MEIOC: variants seen among roughly 807,000 people sequenced by gnomAD.
MEIOC encodes meiosis-specific coiled-coil domain-containing protein MEIOC.
Under a neutral mutation model 85.3 loss-of-function variants are expected in MEIOC, and 9 were observed. That is an observed-to-expected ratio of 0.11 (90% CI 0.06 to 0.18). The LOEUF (loss-of-function observed/expected upper bound fraction) is 0.18. Ranked by LOEUF, MEIOC falls within the 10% of genes least tolerant of loss-of-function variation. MEIOC has a pLI of 1.00. For synonymous variants in MEIOC, 365 were observed against 393.7 expected (o/e 0.93, Z 0.86); for missense variants, 898 against 1,129.4 (o/e 0.80, Z 2.94).
chr17:44,673,123 T>A, intron 6 of MEIOC: 2 of 389,092 alleles, frequency 5.1e-6, no homozygotes, highest in Non-Finnish European at 9.1e-6. Context: ...ATATTTAACA[T>A]TTTCATTGAT....
Position 44,675,662 on chromosome 17 carries a change from G to A in MEIOC, c.*1466G>A, listed in dbSNP as rs905496437. 4.1e-6 allele frequency: 4 copies of A among 985,262 alleles called. No individual in the cohort carries two copies. Among genetic ancestry groups the A allele is most frequent in the Middle Eastern group, 1.0e-3 (2 of 1,914 alleles). The allele number at this position is 985,262 out of a possible 1,614,324, so 61.0% of individuals were successfully genotyped here. A position where few individuals can be genotyped will look rare whatever the true frequency, so the allele number is the denominator to read the frequency against. ...ACCCAAATGAATTACATTGAGGGTA[G>A]TCAAATAAAATAGATCATCTCACCA... On this transcript the variant is annotated 3_prime_UTR_variant, in exon 8 of 8. Coordinates refer to ENST00000409122, the MANE Select transcript of MEIOC (RefSeq NM_001145080.3).
rs1971758796 is a variant in MEIOC, at chr17:44,656,609, G to A, written c.-5G>A. 14 of 1,473,050 alleles carry A rather than the reference G, an allele frequency of 9.5e-6. No homozygotes were observed. The highest frequency in any genetic ancestry group is 1.3e-5 in the Non-Finnish European group (14 of 1,109,814). The allele number at this position is 1,473,050 out of a possible 1,614,324, so 91.2% of individuals were successfully genotyped here. ...CCTAGTCCAGGAGAGGCTGGGGGGC[G>A]CCCCATGGAGGTGAGACGCGGAGAC... On this transcript the variant is annotated 5_prime_UTR_variant, in exon 1 of 8. Coordinates refer to ENST00000409122, the MANE Select transcript of MEIOC (RefSeq NM_001145080.3).
chr17:44,657,848 C>T (rs1420625874), intron 2 of MEIOC, among the ~76,000 whole-genome samples: 1 of 142,894 alleles, frequency 7.0e-6, no homozygotes, highest in South Asian at 2.2e-4. Context: ...CCACCGCGTC[C>T]AGCCGTTTTG....
At chr17:44,663,305 T>TGACGAC (rs758941323) in intron 3 of MEIOC, among the ~76,000 whole-genome samples, 3 of 151,758 alleles carry the variant, frequency 2.0e-5, no homozygotes, top group Non-Finnish European at 4.4e-5. Flanking sequence ...ATGATGATGA[T>TGACGAC]GACGATAACT....
In MEIOC at chr17:44,673,960, A is replaced by G; in HGVS notation, c.2639-16A>G. 2 of 1,549,604 alleles carry G rather than the reference A, an allele frequency of 1.3e-6. No individual in the cohort carries two copies. Among genetic ancestry groups the G allele is most frequent in the Non-Finnish European group, 1.7e-6 (2 of 1,145,260 alleles). On this transcript the variant is annotated splice_polypyrimidine_tract_variant and intron_variant, in intron 7 of 7. Transcript: ENST00000409122. ...TGGCATTTAATATGAAATGACCCTG[A>G]ATGTTTATTTTACAGATGTTTTTGC...
At chr17:44,658,935 C>T (rs1052425342) in intron 2 of MEIOC, among the ~76,000 whole-genome samples, 5 of 149,998 alleles carry the variant, frequency 3.3e-5, no homozygotes, top group African/African-American at 1.2e-4. Context: ...TGTTTTTTTT[C>T]GTTCAGGCAT....
rs944594769 is a variant in MEIOC, at chr17:44,674,602, G to A, written c.*406G>A. Reference sequence around the variant, plus strand: ...ATCTAAGTGACTGTAACCCAATTACGGCTACAGCCTAGTAACCAAGACAAG... The same window carrying A: ...ATCTAAGTGACTGTAACCCAATTACAGCTACAGCCTAGTAACCAAGACAAG... On this transcript the variant is annotated 3_prime_UTR_variant, in exon 8 of 8. Coordinates refer to ENST00000409122, the MANE Select transcript of MEIOC (RefSeq NM_001145080.3). 13 of 992,592 alleles carry A rather than the reference G, an allele frequency of 1.3e-5. No individual in the cohort carries two copies. In the African/African-American group the frequency reaches 1.6e-4, roughly 12 times the overall value. The allele number at this position is 992,592 out of a possible 1,614,324, so 61.5% of individuals were successfully genotyped here.
rs761022531 is a variant in MEIOC at position 44,667,730 on chromosome 17, A to T, written c.1819A>T (p.Asn607Tyr). ...GATAATTGAAAATGTAAACAAACAT[A>T]ATTTTCAAGCCAAGCCCCAGAGTGG... is the stretch of plus-strand genomic sequence containing the variant. ...YGIIENVNKH[N>Y]FQAKPQSGHY... The change falls in exon 5 of 8, where the codon AAT becomes TAT. Residue 607 changes from asparagine to tyrosine, a missense_variant. Physicochemically the swap from Asn to Tyr is moderately radical, Grantham distance 143. Around this residue, in one of 2 missense-constraint regions of MEIOC, gnomAD observed 734 missense variants for 860.1 expected, o/e 0.85. Transcript: ENST00000409122. The T allele has an allele frequency of 6.2e-7, 1 of 1,613,784 alleles. No individual in the cohort carries two copies. Among genetic ancestry groups the T allele is most frequent in the Non-Finnish European group, 8.5e-7 (1 of 1,179,790 alleles).
Position 44,672,332 on chromosome 17 carries a change from T to C in MEIOC, c.2458-1034T>C, listed in dbSNP as rs867244795. On this transcript the variant is annotated intron_variant, in intron 6 of 7. Transcript: ENST00000409122. ...TTATCATTTGCTCAAAATTATTGTCTTATTTAAAAATAATTAGTAGTTCCC... is the reference window on the plus strand; with the variant it reads ...TTATCATTTGCTCAAAATTATTGTCCTATTTAAAAATAATTAGTAGTTCCC... Among the ~76,000 whole-genome samples the C allele has an allele frequency of 1.5e-4, 23 of 152,362 alleles. 1 individual carries two copies. Among genetic ancestry groups the C allele is most frequent in the Admixed American group, 2.6e-4 (4 of 15,302 alleles).
rs1413634908 is a variant in MEIOC at position 44,667,962 on chromosome 17, G to C, written c.2051G>C (p.Gly684Ala). The part of the protein sequence containing the change: ...LRHNQCFQQL[G>A]SNGFPLRSTH... ...CATAATCAGTGTTTTCAACAACTTG[G>C]TTCAAATGGGTTTCCCCTAAGATCC... is the stretch of plus-strand genomic sequence containing the variant. The change falls in exon 5 of 8, where the codon GGT becomes GCT. Residue 684 changes from glycine to alanine, a missense_variant. This residue lies in a region of MEIOC where 734 missense variants were observed against 860.1 expected (regional missense o/e 0.85). Coordinates refer to ENST00000409122, the MANE Select transcript of MEIOC (RefSeq NM_001145080.3). The C allele has an allele frequency of 1.2e-6, 2 of 1,613,666 alleles. No individual in the cohort carries two copies. Among genetic ancestry groups the C allele is most frequent in the African/African-American group, 2.7e-5 (2 of 74,920 alleles).
chr17:44,667,080 A>G lies in MEIOC; in HGVS notation c.1169A>G (p.Gln390Arg). 1.9e-6 allele frequency: 3 copies of G among 1,613,798 alleles called. No individual in the cohort carries two copies. The highest frequency in any genetic ancestry group is 2.5e-6 in the Non-Finnish European group (3 of 1,179,752). ...KKMEETIPDQ[Q>R]NFTFPKTTPH... ...ATGGAGGAGACAATCCCTGATCAGC[A>G]GAATTTCACATTTCCAAAAACTACG... is the stretch of plus-strand genomic sequence containing the variant. The change falls in exon 5 of 8, where the codon CAG becomes CGG. Residue 390 changes from glutamine to arginine, a missense_variant. By Grantham distance (43) the Gln-to-Arg change is conservative. This residue lies in a region of MEIOC where 734 missense variants were observed against 860.1 expected (regional missense o/e 0.85). Transcript: ENST00000409122.
intron 6 of MEIOC, chr17:44,670,826 T>G (rs1393185444): frequency 6.6e-6 from 1 of 151,972 alleles, no homozygotes; most frequent in African/African-American, 2.4e-5. Flanking sequence ...CCACCACCAG[T>G]CAACAAAATA....
chr17:44,656,584 C>A lies in MEIOC; in HGVS notation c.-30C>A. The A allele has an allele frequency of 6.9e-7, 1 of 1,439,482 alleles. No homozygotes were observed. Among genetic ancestry groups the A allele is most frequent in the Non-Finnish European group, 9.2e-7 (1 of 1,091,290 alleles). The allele number at this position is 1,439,482 out of a possible 1,614,324, so 89.2% of individuals were successfully genotyped here. A position where few individuals can be genotyped will look rare whatever the true frequency, so the allele number is the denominator to read the frequency against. ...TCACCCCCGTACCCCAGGAGCTGTG[C>A]CTAGTCCAGGAGAGGCTGGGGGGCG... On this transcript the variant is annotated 5_prime_UTR_variant, in exon 1 of 8. Transcript: ENST00000409122.
In MEIOC at chr17:44,667,891, A is replaced by T. The variant is rs755707054; in HGVS notation, c.1980A>T (p.Thr660=). ...GAGACAATAGCCGTGTGAATCGCAC[A>T]CAAGTGTCATGCTTTTCTAATAATT... ...RGGDNSRVNR[T]QVSCFSNNYM... Residue 660 remains threonine, a synonymous_variant, in exon 5 of 8, where the codon ACA becomes ACT. Transcript: ENST00000409122. 54 of 1,613,886 alleles carry T rather than the reference A, an allele frequency of 3.3e-5. No homozygotes were observed. Among genetic ancestry groups the T allele is most frequent in the Non-Finnish European group, 4.4e-5 (52 of 1,179,894 alleles).
intron 2 of MEIOC, 149 bp downstream of exon 2, chr17:44,657,410 GT>G (rs1971779150): frequency 7.2e-6 from 5 of 690,990 alleles, no homozygotes; most frequent in East Asian, 3.2e-5. Flanking sequence ...TTGAGACAGA[GT>G]CTTGCTCTGT....
chr17:44,658,398 G>A (rs576740649), intron 2 of MEIOC, among the ~76,000 whole-genome samples: 2 of 149,202 alleles, frequency 1.3e-5, no homozygotes, highest in Admixed American at 6.6e-5. Context: ...CTCGTGATCC[G>A]CTCGCCTCAG....
At chr17:44,657,389 T>A in intron 2 of MEIOC, 128 bp downstream of exon 2, 1 of 934,180 alleles carries the variant, frequency 1.1e-6, no homozygotes, top group African/African-American at 1.7e-5. Flanking sequence ...TTTTTTTTTT[T>A]TTTTTTTTTT....
chr17:44,675,886 TTATACTA>T (rs1972068708), downstream of MEIOC: 10 of 452,070 alleles, frequency 2.2e-5, no homozygotes, highest in Admixed American at 6.4e-4. Context: ...ATTTAAGAAC[TTATACTA>T]AGTTTTAGAT....
Position 44,656,597 on chromosome 17 carries a change from A to G in MEIOC, c.-17A>G. 2 of 1,461,792 alleles carry G rather than the reference A, an allele frequency of 1.4e-6. No individual in the cohort carries two copies. The highest frequency in any genetic ancestry group is 1.3e-5 in the South Asian group (1 of 74,442). The allele number at this position is 1,461,792 out of a possible 1,614,324, so 90.6% of individuals were successfully genotyped here. A position where few individuals can be genotyped will look rare whatever the true frequency, so the allele number is the denominator to read the frequency against. Reference sequence around the variant, plus strand: ...CCAGGAGCTGTGCCTAGTCCAGGAGAGGCTGGGGGGCGCCCCATGGAGGTG... The same window carrying G: ...CCAGGAGCTGTGCCTAGTCCAGGAGGGGCTGGGGGGCGCCCCATGGAGGTG... On this transcript the variant is annotated 5_prime_UTR_variant, in exon 1 of 8. Transcript: ENST00000409122.
Sources: gnomAD v4.1 joint callset for allele counts (sites outside exome capture counted in the v4.1 genomes callset) on GRCh38, gnomAD v4.1.1 for gene constraint, gnomAD v4.1.1 regional missense constraint, MANE v1.5 for transcripts, NCBI Gene and HGNC (gene_info 2026-07-23, HGNC 2026-07-21) for gene names.